Variants in SGPL1 observed in about 807,000 individuals in gnomAD.
SGPL1 encodes SP-lyase 1.
SGPL1 carries 37 observed loss-of-function variants against 68.9 expected under a neutral mutation model. The observed-to-expected ratio is 0.54, with a 90% CI of 0.41 to 0.71. The LOEUF is 0.71. Among genes scored for constraint, SGPL1 ranks in the 30% least tolerant of loss-of-function variants. The pLI, the probability that SGPL1 is intolerant of heterozygous loss-of-function variation, is 0.00. For missense variants in SGPL1, 551 were observed against 704.6 expected, an observed-to-expected ratio of 0.78 and a Z score of 2.47; for synonymous variants, 236 against 248.5, an observed-to-expected ratio of 0.95 and a Z score of 0.47.
rs917571252 is a variant in SGPL1, at chr10:70,879,778, G to C, written c.*2443G>C. On this transcript the variant is annotated 3_prime_UTR_variant, in exon 15 of 15. Transcript: ENST00000373202. ...TTAGTTTGACTTAACACTTTTGTAG[G>C]CTTTTCATTGTGTATTTTTGTGTAT... 2 of 152,556 alleles carry C rather than the reference G, an allele frequency of 1.3e-5. No homozygotes were observed. Among genetic ancestry groups the C allele is most frequent in the African/African-American group, 4.8e-5 (2 of 41,418 alleles). 9.5% of individuals were successfully genotyped at this position (152,556 alleles called of 1,614,324 possible).
chr10:70,834,223 G>T (rs1434057158), intron 2 of SGPL1, among the ~76,000 whole-genome samples: 1 of 152,158 alleles, frequency 6.6e-6, no homozygotes, highest in Non-Finnish European at 1.5e-5. Flanking sequence ...TACACATTCT[G>T]TACTCTGACC....
intron 7 of SGPL1, among the ~76,000 whole-genome samples, chr10:70,861,933 G>C (rs1055549366): frequency 1.3e-5 from 2 of 152,192 alleles, no homozygotes; most frequent in African/African-American, 2.4e-5. Flanking sequence ...CACCCCCTCC[G>C]TGGGCTCCTG....
At chr10:70,832,936 T>C (rs1023191964) in intron 2 of SGPL1, among the ~76,000 whole-genome samples, 1 of 152,212 alleles carries the variant, frequency 6.6e-6, no homozygotes, top group African/African-American at 2.4e-5. Flanking sequence ...TACTTTTAAA[T>C]ATGTATTTCA....
chr10:70,843,063 C>CT (rs1344684227), intron 2 of SGPL1, among the ~76,000 whole-genome samples: 2 of 152,182 alleles, frequency 1.3e-5, no homozygotes, highest in African/African-American at 2.4e-5. Context: ...TCTGGTATGA[C>CT]TTTTTTCCTT....
intron 2 of SGPL1, 85 bp downstream of exon 2, chr10:70,816,965 C>A: frequency 8.0e-7 from 1 of 1,251,242 alleles, no homozygotes; most frequent in Non-Finnish European, 1.2e-6. Flanking sequence ...GTAGATTTCA[C>A]CTCTGATGCT....
intron 2 of SGPL1, among the ~76,000 whole-genome samples, chr10:70,820,956 T>C (rs1484840610): frequency 6.6e-6 from 1 of 152,200 alleles, no homozygotes; most frequent in African/African-American, 2.4e-5. Context: ...TGAAGACTAC[T>C]TGTGTGGACA....
intron 3 of SGPL1, among the ~76,000 whole-genome samples, chr10:70,847,567 T>TA (rs1219817957): frequency 6.6e-6 from 1 of 152,204 alleles, no homozygotes; most frequent in Admixed American, 6.5e-5. Context: ...AGGATACCAC[T>TA]ATTGTATTTC....
At chr10:70,861,965 G>A (rs1196908540) in intron 7 of SGPL1, among the ~76,000 whole-genome samples, 5 of 152,206 alleles carry the variant, frequency 3.3e-5, no homozygotes, top group Admixed American at 2.6e-4. Context: ...CCTCCTTGAC[G>A]AGCGCCACTC....
chr10:70,875,890 A>G (rs1201687542), intron 13 of SGPL1, among the ~76,000 whole-genome samples: 1 of 152,166 alleles, frequency 6.6e-6, no homozygotes, highest in Non-Finnish European at 1.5e-5. Flanking sequence ...TATTTAGTTC[A>G]AGATCTTCCT....
intron 2 of SGPL1, among the ~76,000 whole-genome samples, chr10:70,842,789 T>C (rs1845736313): frequency 6.6e-6 from 1 of 152,194 alleles, no homozygotes; most frequent in Admixed American, 6.5e-5. Flanking sequence ...AACCATATCA[T>C]GGACCTAGCA....
intron 7 of SGPL1, among the ~76,000 whole-genome samples, chr10:70,867,430 G>A (rs1029317591): frequency 6.6e-6 from 1 of 152,160 alleles, no homozygotes; most frequent in Admixed American, 6.5e-5. Flanking sequence ...GGGCATGGTG[G>A]TGGGCGCCTG....
intron 9 of SGPL1, among the ~76,000 whole-genome samples, chr10:70,870,753 G>A (rs1487760342): frequency 1.3e-5 from 2 of 152,186 alleles, no homozygotes; most frequent in African/African-American, 4.8e-5. Context: ...CTGGTACGTT[G>A]TGGGGCTGGG....
intron 8 of SGPL1, among the ~76,000 whole-genome samples, 179 bp from the exon 9 acceptor site, chr10:70,869,613 A>C (rs2131938585): frequency 6.6e-6 from 1 of 152,288 alleles, no homozygotes; most frequent in Non-Finnish European, 1.5e-5. Context: ...TTCTGCAGAA[A>C]ATCAGTTGGC....
intron 3 of SGPL1, among the ~76,000 whole-genome samples, chr10:70,846,563 A>C (rs1273446498): frequency 1.3e-5 from 2 of 152,148 alleles, no homozygotes; most frequent in Non-Finnish European, 2.9e-5. Context: ...CTGGAACTCC[A>C]TTTTAATAAA....
chr10:70,873,652 C>T (rs891852271), intron 12 of SGPL1, 63 bp downstream of exon 12: 18 of 1,233,232 alleles, frequency 1.5e-5, no homozygotes, highest in Middle Eastern at 2.2e-4. Context: ...AGGCTCAAGG[C>T]ACCTGCCTGG....
chr10:70,817,382 C>G (rs1845252576), intron 2 of SGPL1, among the ~76,000 whole-genome samples: 1 of 152,190 alleles, frequency 6.6e-6, no homozygotes, highest in South Asian at 2.1e-4. Flanking sequence ...TACATCAATA[C>G]AGTATATGTA....
intron 7 of SGPL1, among the ~76,000 whole-genome samples, chr10:70,865,646 C>T (rs1200477057): frequency 2.0e-5 from 3 of 152,198 alleles, no homozygotes; most frequent in African/African-American, 7.2e-5. Context: ...AACCAAATGG[C>T]TGGGCAGTCT....
Position 70,877,409 on chromosome 10 carries a change from A to G in SGPL1, c.*74A>G. On this transcript the variant is annotated 3_prime_UTR_variant, in exon 15 of 15. Transcript: ENST00000373202. ...TTGGGATATGGAACAGGCCGTGCAC[A>G]ACTTTGACATCTGGTCTTGCTCCAT... 1 of 1,455,502 alleles carries G rather than the reference A, an allele frequency of 6.9e-7. No individual in the cohort carries two copies. Among genetic ancestry groups the G allele is most frequent in the Non-Finnish European group, 9.6e-7 (1 of 1,040,172 alleles). The allele number at this position is 1,455,502 out of a possible 1,614,324, so 90.2% of individuals were successfully genotyped here. A position where few individuals can be genotyped will look rare whatever the true frequency, so the allele number is the denominator to read the frequency against.
At chr10:70,876,015 A>G (rs1369180095) in intron 13 of SGPL1, among the ~76,000 whole-genome samples, 1 of 152,178 alleles carries the variant, frequency 6.6e-6, no homozygotes, top group African/African-American at 2.4e-5. Context: ...AGGTCTGTTC[A>G]TGTCCTCTGT....
Sources: gnomAD v4.1 joint callset for allele counts (sites outside exome capture counted in the v4.1 genomes callset) on GRCh38, gnomAD v4.1.1 for gene constraint, MANE v1.5 for transcripts, NCBI Gene and HGNC (gene_info 2026-07-23, HGNC 2026-07-21) for gene names.